The following PTPRG variants were observed in gnomAD, a reference collection of about 807,000 sequenced individuals.
The protein encoded by PTPRG is protein tyrosine phosphatase receptor type G, also known as receptor-type tyrosine-protein phosphatase gamma.
Under a neutral mutation model 165.3 loss-of-function variants are expected in PTPRG, and 102 were observed. The observed-to-expected ratio is 0.62, with a 90% CI of 0.53 to 0.73. The LOEUF (loss-of-function observed/expected upper bound fraction) is 0.73, where lower values mean the gene tolerates loss of function less well. Ranked by LOEUF, PTPRG falls within the 30% of genes least tolerant of loss-of-function variation. The pLI, the probability that PTPRG is intolerant of heterozygous loss-of-function variation, is 0.00. For missense variants in PTPRG, 1,866 were observed against 1,861.4 expected (o/e 1.00, Z -0.05); for synonymous variants, 675 against 669.5 (o/e 1.01, Z -0.13).
chr3:62,235,403 G>A (rs778497990), intron 14 of PTPRG, among the ~76,000 whole-genome samples: 6 of 152,092 alleles, frequency 3.9e-5, no homozygotes, highest in Non-Finnish European at 7.4e-5. Flanking sequence ...CCTGTCCAGG[G>A]CTCACTTTCT....
chr3:61,639,353 CTG>C (rs1214945594), intron 1 of PTPRG, among the ~76,000 whole-genome samples: 2 of 152,144 alleles, frequency 1.3e-5, no homozygotes, highest in African/African-American at 2.4e-5. Context: ...ATGCATCTAA[CTG>C]TGTTCTTTTT....
At chr3:62,167,479 A>G (rs1048257551) in intron 7 of PTPRG, among the ~76,000 whole-genome samples, 5 of 152,218 alleles carry the variant, frequency 3.3e-5, no homozygotes, top group African/African-American at 9.6e-5. Flanking sequence ...CCTTTTGGGT[A>G]AATATTGTTA....
intron 1 of PTPRG, among the ~76,000 whole-genome samples, chr3:61,647,090 T>C (rs1702219735): frequency 6.6e-6 from 1 of 152,218 alleles, no homozygotes; most frequent in South Asian, 2.1e-4. Flanking sequence ...AGTTTTTGAG[T>C]GAACCTAAGT....
At chr3:61,986,222 C>G (rs1039267241) in intron 2 of PTPRG, among the ~76,000 whole-genome samples, 1 of 150,686 alleles carries the variant, frequency 6.6e-6, no homozygotes, top group Non-Finnish European at 1.5e-5. Context: ...TCATTTGTAC[C>G]TAAAAATATG....
intron 7 of PTPRG, among the ~76,000 whole-genome samples, chr3:62,159,592 T>C (rs1357580947): frequency 2.6e-5 from 4 of 152,200 alleles, no homozygotes; most frequent in Non-Finnish European, 5.9e-5. Context: ...AAGTGCTTTT[T>C]AAATATCTCC....
chr3:62,262,596 T>C, intron 16 of PTPRG: 1 of 426,250 alleles, frequency 2.3e-6, no homozygotes, highest in Non-Finnish European at 4.1e-6. Flanking sequence ...ATTGATGAAA[T>C]AGTAAATAAT....
intron 4 of PTPRG, among the ~76,000 whole-genome samples, chr3:62,024,603 G>C (rs1046278471): frequency 6.6e-6 from 1 of 152,186 alleles, no homozygotes; most frequent in African/African-American, 2.4e-5. Context: ...TATGGGTAAA[G>C]TTTCCAGTTT....
chr3:62,225,771 C>T (rs1576156699), intron 13 of PTPRG, among the ~76,000 whole-genome samples: 1 of 151,796 alleles, frequency 6.6e-6, no homozygotes, highest in African/African-American at 2.4e-5. Context: ...TCTCCTGCCT[C>T]AGCCTCTCGC....
chr3:61,801,826 T>A (rs2035254462), intron 2 of PTPRG, among the ~76,000 whole-genome samples: 1 of 152,166 alleles, frequency 6.6e-6, no homozygotes, highest in South Asian at 2.1e-4. Flanking sequence ...GAGACCCGCC[T>A]GGCCAACATG....
intron 1 of PTPRG, among the ~76,000 whole-genome samples, chr3:61,666,165 C>T (rs1364421186): frequency 2.0e-5 from 3 of 152,040 alleles, no homozygotes; most frequent in South Asian, 2.1e-4. Context: ...CCCAGATGCT[C>T]GATAAAAACC....
rs1449524315 is a variant in PTPRG at position 62,206,427 on chromosome 3, T to G, written c.2155+2477T>G. 6.6e-5 allele frequency among the ~76,000 whole-genome samples: 10 copies of G among 152,276 alleles called. No homozygotes were observed. The East Asian group carries it at 1.9e-3, about 29-fold the overall frequency. On this transcript the variant is annotated intron_variant, in intron 12 of 29. Coordinates refer to ENST00000474889, the MANE Select transcript of PTPRG (RefSeq NM_002841.4). ...TCCTCAGGTAAGTCTTAGTCCCGTG[T>G]CCTCGTTTGCAAAGTGGAGCTAATG...
In PTPRG at chr3:62,277,616, C is replaced by T; in HGVS notation, c.3702C>T (p.Phe1234=). ...QHPLPHTTKD[F]WRMIWDHNAQ... ...CTCTGCCACATACTACGAAAGATTTCTGGCGAATGATTTGGGATCATAACG... is the reference window on the plus strand; with the variant it reads ...CTCTGCCACATACTACGAAAGATTTTTGGCGAATGATTTGGGATCATAACG... The change falls in exon 26 of 30, where the codon TTC becomes TTT. Residue 1234 remains phenylalanine (F), a synonymous_variant. Transcript: ENST00000474889. 8.7e-6 allele frequency: 14 copies of T among 1,612,828 alleles called. No homozygotes were observed. Among genetic ancestry groups the T allele is most frequent in the Non-Finnish European group, 1.2e-5 (14 of 1,179,346 alleles).
chr3:62,089,607 G>A (rs1701864018), intron 5 of PTPRG, among the ~76,000 whole-genome samples: 2 of 152,162 alleles, frequency 1.3e-5, no homozygotes, highest in African/African-American at 2.4e-5. Flanking sequence ...GATTGTACAG[G>A]TGTCTTCTGA....
intron 26 of PTPRG, among the ~76,000 whole-genome samples, chr3:62,278,585 T>C (rs1702317495): frequency 6.6e-6 from 1 of 151,984 alleles, no homozygotes; most frequent in Admixed American, 6.6e-5. Context: ...GATAGTCAGA[T>C]TAATGAGTTT....
At chr3:61,682,850 G>A (rs1228591812) in intron 1 of PTPRG, among the ~76,000 whole-genome samples, 3 of 152,188 alleles carry the variant, frequency 2.0e-5, no homozygotes, top group African/African-American at 4.8e-5. Flanking sequence ...CCTAAGCAAC[G>A]AAGAAGATTC....
intron 5 of PTPRG, among the ~76,000 whole-genome samples, chr3:62,121,800 C>T (rs957190523): frequency 2.6e-5 from 4 of 152,152 alleles, no homozygotes. Context: ...ATGAAGAAAT[C>T]ATATTATTTT....
chr3:61,793,066 A>G (rs1454113377), intron 2 of PTPRG, among the ~76,000 whole-genome samples: 1 of 152,180 alleles, frequency 6.6e-6, no homozygotes, highest in African/African-American at 2.4e-5. Flanking sequence ...TAGGAAATAT[A>G]AACAAGTGGA....
intron 2 of PTPRG, among the ~76,000 whole-genome samples, chr3:61,942,526 C>A (rs979285062): frequency 1.3e-5 from 2 of 152,152 alleles, no homozygotes; most frequent in African/African-American, 4.8e-5. Context: ...CATAATGAGA[C>A]CTGTGTTAGG....
chr3:61,706,574 AC>A (rs1559566084), intron 1 of PTPRG, among the ~76,000 whole-genome samples: 1 of 144,394 alleles, frequency 6.9e-6, no homozygotes, highest in Non-Finnish European at 1.5e-5. Flanking sequence ...GCTCACTGCC[AC>A]CTCCGCCTCC....
Sources: allele counts gnomAD v4.1 joint callset (sites outside exome capture counted in the v4.1 genomes callset), GRCh38; gene constraint gnomAD v4.1.1; transcripts MANE v1.5; gene names NCBI Gene and HGNC (gene_info 2026-07-23, HGNC 2026-07-21).